Variants in AP3D1 observed in about 807,000 individuals in gnomAD.
The protein encoded by AP3D1 is AP-3 complex subunit delta-1.
A neutral mutation model predicts 147.6 loss-of-function variants in AP3D1; 51 were observed. The observed-to-expected ratio is 0.35, with a 90% CI of 0.28 to 0.44. The LOEUF (loss-of-function observed/expected upper bound fraction) is 0.44. Ranked by LOEUF, AP3D1 falls within the 20% of genes least tolerant of loss-of-function variation. AP3D1 has a pLI of 1.00. For missense variants in AP3D1, 1,421 were observed against 1,624.2 expected (o/e 0.87, Z 2.15); for synonymous variants, 760 against 663.0 (o/e 1.15, Z -2.25).
At position 2,115,597 on chromosome 19, in the gene AP3D1, G is replaced by T. The variant is rs140741000; in HGVS notation, c.2090C>A (p.Pro697Gln). Reference protein sequence around the residue: ...PSPQKRYQDTPGVEHIPVVQI... With the variant: ...PSPQKRYQDTQGVEHIPVVQI... ...CACCACGGGAATGTGCTCCACGCCCGGGGTGTCCTGGTACCGCTGCAAAGG... is the reference window on the plus strand; with the variant it reads ...CACCACGGGAATGTGCTCCACGCCCTGGGTGTCCTGGTACCGCTGCAAAGG... Residue 697 changes from proline (P) to glutamine (Q), a missense_variant, in exon 19 of 32, where the codon CCG (proline) becomes CAG (glutamine). This residue lies in a region of AP3D1 where 791 missense variants were observed against 761.4 expected (regional missense o/e 1.04). Transcript: ENST00000643116. The T allele has an allele frequency of 5.6e-6, 9 of 1,612,826 alleles. No individual in the cohort carries two copies. The highest frequency in any genetic ancestry group is 1.1e-5 in the South Asian group (1 of 91,082).
intron 1 of AP3D1, among the ~76,000 whole-genome samples, chr19:2,156,624 G>A (rs1028676631): frequency 2.0e-5 from 3 of 152,028 alleles, no homozygotes; most frequent in African/African-American, 7.2e-5. Context: ...GTTGAGGCGG[G>A]TGGATCATGG....
rs555622746 is a variant in AP3D1 at position 2,111,645 on chromosome 19, C to T, written c.2937+34G>A. 8.4e-5 allele frequency: 130 copies of T among 1,553,926 alleles called. No homozygotes were observed. In the South Asian group the frequency reaches 1.3e-3, roughly 16 times the overall value. On this transcript the variant is annotated intron_variant, in intron 25 of 31. Coordinates refer to ENST00000643116, the MANE Select transcript of AP3D1 (RefSeq NM_001261826.3). ...GCAGCGCACAGCCCGCCAGGAACCC[C>T]GGCGTGGGGCGGGGGCGCTGAAGTA... is the stretch of plus-strand genomic sequence containing the variant.
intron 1 of AP3D1, among the ~76,000 whole-genome samples, chr19:2,141,098 A>G (rs1404069172): frequency 6.6e-6 from 1 of 152,148 alleles, no homozygotes; most frequent in African/African-American, 2.4e-5. Flanking sequence ...GTAGGGAGAC[A>G]TGACCTAGAC....
At chr19:2,161,382 G>C (rs531687958) in intron 1 of AP3D1, among the ~76,000 whole-genome samples, 1 of 151,606 alleles carries the variant, frequency 6.6e-6, no homozygotes, top group South Asian at 2.1e-4. Flanking sequence ...GGCTGGTCTC[G>C]AACTCCTGAC....
At chr19:2,159,815 C>G (rs991744791) in intron 1 of AP3D1, among the ~76,000 whole-genome samples, 1 of 152,036 alleles carries the variant, frequency 6.6e-6, no homozygotes, top group Non-Finnish European at 1.5e-5. Context: ...ATTCTCTTGC[C>G]TCAGCCTCCA....
intron 4 of AP3D1, among the ~76,000 whole-genome samples, chr19:2,134,848 G>A (rs1304073183): frequency 3.4e-5 from 5 of 147,390 alleles, no homozygotes; most frequent in East Asian, 2.3e-4. Context: ...AGATCCACCC[G>A]CCTCAGCTTC....
At chr19:2,134,500 G>T (rs1346297689) in intron 4 of AP3D1, among the ~76,000 whole-genome samples, 1 of 151,562 alleles carries the variant, frequency 6.6e-6, no homozygotes, top group Non-Finnish European at 1.5e-5. Flanking sequence ...ACTTTGGGAG[G>T]CCGAGGCAGG....
At position 2,114,109 on chromosome 19, in the gene AP3D1, T is replaced by C. The variant is rs1431642493; in HGVS notation, c.2601+16A>G. ...AGGGGAATGGAGAAGGCCGCCGCCC[T>C]GGGCACTAGCCTTACCTTCTTCTCC... is the stretch of plus-strand genomic sequence containing the variant. On this transcript the variant is annotated intron_variant, in intron 22 of 31. Coordinates refer to ENST00000643116, the MANE Select transcript of AP3D1 (RefSeq NM_001261826.3). The C allele has an allele frequency of 1.3e-6, 2 of 1,552,070 alleles. No individual in the cohort carries two copies. Among genetic ancestry groups the C allele is most frequent in the Non-Finnish European group, 1.7e-6 (2 of 1,148,318 alleles).
rs961439274 is a variant in AP3D1, at chr19:2,117,032, G to T, written c.1859+190C>A. The T allele has an allele frequency of 4.7e-6, 4 of 852,560 alleles. No homozygotes were observed. In the African/African-American group the frequency reaches 5.2e-5, roughly 11 times the overall value. The allele number at this position is 852,560 out of a possible 1,614,324, so 52.8% of individuals were successfully genotyped here. On this transcript the variant is annotated intron_variant, in intron 16 of 31. Coordinates refer to ENST00000643116, the MANE Select transcript of AP3D1 (RefSeq NM_001261826.3). Reference sequence around the variant, plus strand: ...GCCCACTTCGCAGGGAGCATCCCCAGGCAGAAGCCAGATCCCAGAACCAGT... The same window carrying T: ...GCCCACTTCGCAGGGAGCATCCCCATGCAGAAGCCAGATCCCAGAACCAGT...
rs2018412783 is a variant in AP3D1 at position 2,115,315 on chromosome 19, C to T, written c.2253G>A (p.Lys751=). Residue 751 remains lysine (K), a synonymous_variant, in exon 20 of 32, where the codon AAG becomes AAA. Transcript: ENST00000643116. ...GCGAGCTGTGGCGGCGCTTGCCCTT[C>T]TTCTCCTTCTCCTTCCTCTTTTTCC... ...KRRKKRKEKE[K]KGKRRHSSLP... is the part of the protein sequence containing the mutation. The T allele has an allele frequency of 1.9e-6, 3 of 1,611,550 alleles. No homozygotes were observed. Among genetic ancestry groups the T allele is most frequent in the East Asian group, 2.2e-5 (1 of 44,892 alleles).
chr19:2,109,018 A>C (rs528142321), intron 30 of AP3D1, 68 bp downstream of exon 30: 1 of 1,588,726 alleles, frequency 6.3e-7, no homozygotes, highest in East Asian at 2.2e-5. Flanking sequence ...GCCCGGCTCC[A>C]ATAGGAAGGG....
At chr19:2,129,207 A>C in intron 7 of AP3D1, 44 bp from the exon 8 acceptor site, 1 of 1,608,044 alleles carries the variant, frequency 6.2e-7, no homozygotes. Flanking sequence ...GGAATGCCCC[A>C]CGCAGGGTGA....
At chr19:2,114,390 G>T in intron 21 of AP3D1, 88 bp from the exon 22 acceptor site, 2 of 1,127,898 alleles carry the variant, frequency 1.8e-6, no homozygotes, top group Non-Finnish European at 2.6e-6. Context: ...GCATGTGGCA[G>T]TGCGGGACCT....
At chr19:2,140,589 G>C (rs146101906) in intron 1 of AP3D1, among the ~76,000 whole-genome samples, 2 of 151,102 alleles carry the variant, frequency 1.3e-5, no homozygotes, top group Non-Finnish European at 2.9e-5. Context: ...GATCCTCCCC[G>C]CTAGCCTCCC....
At chr19:2,164,522 C>T (rs946148436), upstream of AP3D1, 3 of 296,612 alleles carry the variant, frequency 1.0e-5, no homozygotes, top group African/African-American at 2.2e-5. Flanking sequence ...GCCGTTGCCC[C>T]CGCCGGGCTG....
chr19:2,134,607 A>T (rs964823785), intron 4 of AP3D1, among the ~76,000 whole-genome samples: 13 of 144,468 alleles, frequency 9.0e-5, no homozygotes, highest in East Asian at 4.1e-4. Context: ...AAAGAAAATA[A>T]TTTTTTTTTT....
At chr19:2,138,520 T>A in intron 2 of AP3D1, 99 bp downstream of exon 2, 1 of 943,610 alleles carries the variant, frequency 1.1e-6, no homozygotes, top group Non-Finnish European at 1.7e-6. Context: ...GTGGTACCAA[T>A]GACTGACAGG....
chr19:2,139,452 C>T (rs72983468), intron 1 of AP3D1, among the ~76,000 whole-genome samples: 1 of 152,312 alleles, frequency 6.6e-6, no homozygotes, highest in Non-Finnish European at 1.5e-5. Flanking sequence ...GTCTCCAGAA[C>T]ACCATCAAGG....
chr19:2,133,741 A>G (rs1261263217), intron 4 of AP3D1, among the ~76,000 whole-genome samples: 5 of 151,288 alleles, frequency 3.3e-5, no homozygotes, highest in Non-Finnish European at 5.9e-5. Flanking sequence ...TGATCTCATG[A>G]TCCGCCCGCC....
Sources: gnomAD v4.1 joint callset for allele counts (sites outside exome capture counted in the v4.1 genomes callset) on GRCh38, gnomAD v4.1.1 for gene constraint, gnomAD v4.1.1 regional missense constraint, MANE v1.5 for transcripts, NCBI Gene and HGNC (gene_info 2026-07-23, HGNC 2026-07-21) for gene names.